Variants in UVRAG observed in about 807,000 individuals in gnomAD.
UVRAG encodes UV radiation resistance associated.
UVRAG carries 19 observed loss-of-function variants against 78.0 expected under a neutral mutation model. The ratio of observed to expected loss-of-function variants is 0.24; its 90% CI spans 0.17 to 0.36. UVRAG has a LOEUF of 0.36. Among genes scored for constraint, UVRAG ranks in the 10% least tolerant of loss-of-function variants. The pLI is 1.00. For synonymous variants in UVRAG, 323 were observed against 324.6 expected, an observed-to-expected ratio of 1.00 and a Z score of 0.05; for missense variants, 740 against 853.8, an observed-to-expected ratio of 0.87 and a Z score of 1.66.
chr11:76,091,611 T>A (rs554131709), intron 13 of UVRAG, among the ~76,000 whole-genome samples: 13 of 152,270 alleles, frequency 8.5e-5, no homozygotes, highest in African/African-American at 3.1e-4. Context: ...CTTACCTTCA[T>A]CTTCTTGCCC....
At chr11:75,858,564 T>G (rs538191156) in intron 2 of UVRAG, among the ~76,000 whole-genome samples, 2 of 152,350 alleles carry the variant, frequency 1.3e-5, no homozygotes, top group East Asian at 3.9e-4. Context: ...AGTATTGCAT[T>G]GAATAACTTT....
chr11:76,003,784 C>A (rs1362486291), intron 8 of UVRAG, among the ~76,000 whole-genome samples: 2 of 152,072 alleles, frequency 1.3e-5, no homozygotes, highest in Non-Finnish European at 2.9e-5. Context: ...GAGTCTTAGG[C>A]GTATACTCTT....
chr11:76,070,089 GCA>G (rs141751176), intron 13 of UVRAG, among the ~76,000 whole-genome samples: 1 of 151,826 alleles, frequency 6.6e-6, no homozygotes. Flanking sequence ...CAAACACAAC[GCA>G]CACACACACA....
intron 1 of UVRAG, among the ~76,000 whole-genome samples, chr11:75,822,598 C>T (rs1945417420): frequency 6.6e-6 from 1 of 152,012 alleles, no homozygotes; most frequent in East Asian, 1.9e-4. Context: ...TGTTCCCCTC[C>T]TCAGGCTCAG....
At chr11:76,089,297 T>C (rs549835970) in intron 13 of UVRAG, among the ~76,000 whole-genome samples, 3 of 152,208 alleles carry the variant, frequency 2.0e-5, no homozygotes, top group Non-Finnish European at 2.9e-5. Context: ...TGAGTGACTT[T>C]TTCTCTTCTA....
At chr11:75,970,376 A>AT (rs1227212238) in intron 7 of UVRAG, among the ~76,000 whole-genome samples, 1 of 152,210 alleles carries the variant, frequency 6.6e-6, no homozygotes, top group Non-Finnish European at 1.5e-5. Flanking sequence ...AGTAAAATTG[A>AT]TTTTTAATGT....
At chr11:76,001,511 G>A (rs1949813324) in intron 8 of UVRAG, among the ~76,000 whole-genome samples, 1 of 152,112 alleles carries the variant, frequency 6.6e-6, no homozygotes, top group Non-Finnish European at 1.5e-5. Flanking sequence ...GAAACCAAAA[G>A]GTAGTTCCTT....
rs182689381 is a variant in UVRAG at position 75,896,828 on chromosome 11, T to G, written c.507+7925T>G. On this transcript the variant is annotated intron_variant, in intron 5 of 14. Coordinates refer to ENST00000356136, the MANE Select transcript of UVRAG (RefSeq NM_003369.4). ...TTTATGTAACTCATATTGGCATAAT[T>G]ACTCCAACTTTTGTGCTATTGATAA... Among the ~76,000 whole-genome samples, 11 of 152,344 alleles carry G rather than the reference T, an allele frequency of 7.2e-5. No homozygotes were observed. The East Asian group carries it at 1.5e-3, about 21-fold the overall frequency.
intron 13 of UVRAG, among the ~76,000 whole-genome samples, chr11:76,114,527 A>G (rs1952139012): frequency 6.6e-6 from 1 of 152,186 alleles, no homozygotes; most frequent in Admixed American, 6.5e-5. Context: ...TCCCATCTGC[A>G]AAAGAAAAGG....
At chr11:76,100,774 G>C (rs1033054139) in intron 13 of UVRAG, among the ~76,000 whole-genome samples, 2 of 151,928 alleles carry the variant, frequency 1.3e-5, no homozygotes, top group Admixed American at 6.6e-5. Flanking sequence ...TCCATCATCT[G>C]GTAGAACCCA....
At chr11:76,128,882 GTTTTAA>G in intron 14 of UVRAG, among the ~76,000 whole-genome samples, 1 of 152,222 alleles carries the variant, frequency 6.6e-6, no homozygotes, top group South Asian at 2.1e-4. Context: ...AATGCCTTGT[GTTTTAA>G]TTTTAAAGAG....
intron 1 of UVRAG, among the ~76,000 whole-genome samples, chr11:75,819,142 T>C: frequency 6.6e-6 from 1 of 152,222 alleles, no homozygotes; most frequent in East Asian, 1.9e-4. Context: ...TCCTGTTGAT[T>C]CTAGAAGTGG....
chr11:75,930,018 A>G (rs1565384630), intron 6 of UVRAG, among the ~76,000 whole-genome samples: 1 of 152,218 alleles, frequency 6.6e-6, no homozygotes, highest in Non-Finnish European at 1.5e-5. Context: ...TTACATTATC[A>G]TATAGATACC....
chr11:76,035,934 A>G (rs1413678208), intron 12 of UVRAG, among the ~76,000 whole-genome samples: 1 of 152,168 alleles, frequency 6.6e-6, no homozygotes, highest in African/African-American at 2.4e-5. Context: ...AATACATTGC[A>G]AGATTCATTA....
At chr11:75,871,406 C>T (rs1047271364) in intron 3 of UVRAG, among the ~76,000 whole-genome samples, 1 of 151,776 alleles carries the variant, frequency 6.6e-6, no homozygotes, top group African/African-American at 2.4e-5. Context: ...CCCACCTCAG[C>T]CTCCCAAGTA....
At chr11:75,950,661 C>G (rs959452968) in intron 6 of UVRAG, among the ~76,000 whole-genome samples, 3 of 152,156 alleles carry the variant, frequency 2.0e-5, no homozygotes, top group Non-Finnish European at 1.5e-5. Flanking sequence ...TTTACAGTCC[C>G]TCCAGCAATG....
chr11:76,114,015 G>A (rs56393567), intron 13 of UVRAG, among the ~76,000 whole-genome samples: 3,357 of 152,040 alleles, frequency 0.022, 125 homozygotes, highest in African/African-American at 0.077. Context: ...GGAACCTGGG[G>A]CAGGCAATTG....
Position 75,861,763 on chromosome 11 carries a change from G to A in UVRAG, c.253G>A (p.Val85Met), listed in dbSNP as rs183462348. ...KIYKEFYRSEVIKNSLNPTWR... is the reference protein window; with the variant it reads ...KIYKEFYRSEMIKNSLNPTWR... ...TTTTCCAGAATTTTATAGAAGTGAAGTGATTAAGAATTCCTTGGTAAGTTT... is the reference window on the plus strand; with the variant it reads ...TTTTCCAGAATTTTATAGAAGTGAAATGATTAAGAATTCCTTGGTAAGTTT... Residue 85 changes from valine (V) to methionine (M), a missense_variant, in exon 3 of 15, where the codon GTG (valine) becomes ATG (methionine). Val to Met is a conservative substitution (Grantham distance 21). Transcript: ENST00000356136. 688 of 1,607,288 alleles carry A rather than the reference G, an allele frequency of 4.3e-4. 2 individuals are homozygous for A. In the East Asian group the frequency reaches 0.015, roughly 35 times the overall value.
intron 8 of UVRAG, among the ~76,000 whole-genome samples, chr11:75,996,310 T>C (rs548376839): frequency 5.3e-5 from 8 of 152,234 alleles, no homozygotes; most frequent in Admixed American, 2.0e-4. Context: ...GCATATGACT[T>C]GTAAAGGAAG....
Sources: allele counts gnomAD v4.1 joint callset (sites outside exome capture counted in the v4.1 genomes callset), GRCh38; gene constraint gnomAD v4.1.1; transcripts MANE v1.5; gene names NCBI Gene and HGNC (gene_info 2026-07-23, HGNC 2026-07-21).